The following DCUN1D1 variants were observed in gnomAD, a reference collection of about 807,000 sequenced individuals.
The protein encoded by DCUN1D1 is defective in cullin neddylation 1 domain containing 1, also known as DCN1-like protein 1.
DCUN1D1 carries 3 observed loss-of-function variants against 39.0 expected under a neutral mutation model. The ratio of observed to expected loss-of-function variants is 0.08; its 90% CI spans 0.04 to 0.20. The LOEUF (loss-of-function observed/expected upper bound fraction) is 0.20. Ranked by LOEUF, DCUN1D1 falls within the 10% of genes least tolerant of loss-of-function variation. The pLI, the probability that DCUN1D1 is intolerant of heterozygous loss-of-function variation, is 1.00. For missense variants in DCUN1D1, 158 were observed against 302.4 expected (o/e 0.52, Z 3.54); for synonymous variants, 82 against 96.3 (o/e 0.85, Z 0.87).
chr3:182,958,745 ATC>A (rs1217957732), intron 4 of DCUN1D1, among the ~76,000 whole-genome samples: 8 of 152,196 alleles, frequency 5.3e-5, no homozygotes, highest in Non-Finnish European at 7.4e-5. Flanking sequence ...CTTTCACATA[ATC>A]TGTTTCTCAA....
At chr3:182,984,450 T>C (rs1728661769), upstream of DCUN1D1, among the ~76,000 whole-genome samples, 1 of 152,202 alleles carries the variant, frequency 6.6e-6, no homozygotes, top group Non-Finnish European at 1.5e-5. Context: ...ATGTTTCAAA[T>C]ATTTAAGTTA....
chr3:182,967,431 G>A (rs1279011839), intron 1 of DCUN1D1, among the ~76,000 whole-genome samples: 5 of 151,956 alleles, frequency 3.3e-5, no homozygotes, highest in African/African-American at 1.2e-4. Flanking sequence ...TACTTCTACC[G>A]ATCACAGTAA....
intron 4 of DCUN1D1, among the ~76,000 whole-genome samples, chr3:182,949,586 G>C (rs1354734928): frequency 6.6e-6 from 1 of 151,932 alleles, no homozygotes; most frequent in Non-Finnish European, 1.5e-5. Context: ...CATTCATGGT[G>C]GTGCATGCCT....
chr3:182,949,729 CACA>C (rs1036814691), intron 4 of DCUN1D1, among the ~76,000 whole-genome samples: 1 of 152,022 alleles, frequency 6.6e-6, no homozygotes, highest in Non-Finnish European at 1.5e-5. Flanking sequence ...AAACAAACAA[CACA>C]ACAACATAAA....
intron 4 of DCUN1D1, among the ~76,000 whole-genome samples, chr3:182,960,051 G>A (rs1727304087): frequency 6.6e-6 from 1 of 152,278 alleles, no homozygotes; most frequent in Non-Finnish European, 1.5e-5. Flanking sequence ...CTCCTAGCCT[G>A]CAGAATCATG....
upstream of DCUN1D1, among the ~76,000 whole-genome samples, chr3:182,985,208 C>T (rs903661413): frequency 3.9e-5 from 6 of 152,136 alleles, no homozygotes; most frequent in South Asian, 2.1e-4. Context: ...ATGAAAGCCA[C>T]GGTTCCAAAG....
rs540965114 is a variant in DCUN1D1, at chr3:182,950,468, A to C, written c.521-2836T>G. On this transcript the variant is annotated intron_variant, in intron 4 of 6. Coordinates refer to ENST00000292782, the MANE Select transcript of DCUN1D1 (RefSeq NM_020640.4). ...GCCAAGTTATCACTTATCTTTTAAA[A>C]ATCTTTCTTGGATCTTTTTTTTTGA... 2.2e-4 allele frequency among the ~76,000 whole-genome samples: 33 copies of C among 151,892 alleles called. 1 individual carries two copies. Among genetic ancestry groups the C allele is most frequent in the Admixed American group, 1.4e-3 (22 of 15,250 alleles).
intron 4 of DCUN1D1, among the ~76,000 whole-genome samples, chr3:182,953,698 G>C (rs1329722961): frequency 6.6e-6 from 1 of 152,112 alleles, no homozygotes; most frequent in Non-Finnish European, 1.5e-5. Context: ...TATTGGAAAA[G>C]ACAACAAAGT....
intron 4 of DCUN1D1, among the ~76,000 whole-genome samples, chr3:182,948,821 G>A (rs565459195): frequency 2.4e-4 from 36 of 152,020 alleles, no homozygotes; most frequent in African/African-American, 7.0e-4. Context: ...AGGTTGAGTC[G>A]GGCAGATCAC....
At chr3:182,978,391 T>G (rs1303182532) in intron 1 of DCUN1D1, among the ~76,000 whole-genome samples, 1 of 152,190 alleles carries the variant, frequency 6.6e-6, no homozygotes, top group Non-Finnish European at 1.5e-5. Flanking sequence ...TCCTTTCTTA[T>G]TATTTTTTTT....
intron 1 of DCUN1D1, among the ~76,000 whole-genome samples, chr3:182,972,671 G>A (rs759126611): frequency 1.3e-5 from 2 of 152,016 alleles, no homozygotes; most frequent in African/African-American, 2.4e-5. Flanking sequence ...AGTCCAGAAA[G>A]TTGAGGCTGC....
chr3:182,980,377 C>G (rs1728479488), intron 1 of DCUN1D1, 110 bp downstream of exon 1: 1 of 833,314 alleles, frequency 1.2e-6, no homozygotes, highest in Non-Finnish European at 1.5e-6. Context: ...GGCCGCGGGC[C>G]GAGGCTCGGG....
intron 4 of DCUN1D1, chr3:182,951,049 T>A (rs1179280751): frequency 6.9e-6 from 1 of 143,894 alleles, no homozygotes; most frequent in Non-Finnish European, 1.5e-5. Flanking sequence ...AACACCAATT[T>A]CTAATGGCAC....
intron 4 of DCUN1D1, among the ~76,000 whole-genome samples, chr3:182,954,658 TA>T (rs1181485236): frequency 6.6e-6 from 1 of 152,162 alleles, no homozygotes; most frequent in Non-Finnish European, 1.5e-5. Flanking sequence ...AAAATACAAA[TA>T]AAAATCGCCA....
intron 3 of DCUN1D1, among the ~76,000 whole-genome samples, chr3:182,963,077 G>C (rs1276550511): frequency 6.6e-6 from 1 of 152,152 alleles, no homozygotes; most frequent in Non-Finnish European, 1.5e-5. Flanking sequence ...ACCGCGCCTA[G>C]CCCCTGGTGT....
chr3:182,980,544 G>A, upstream of DCUN1D1: 3 of 1,189,772 alleles, frequency 2.5e-6, no homozygotes, highest in South Asian at 2.2e-5. Context: ...CGAATGGACG[G>A]CGGCGGCGGC....
intron 1 of DCUN1D1, among the ~76,000 whole-genome samples, chr3:182,969,630 T>G (rs1272957344): frequency 6.6e-6 from 1 of 152,214 alleles, no homozygotes. Context: ...TAATCTTCAG[T>G]ATTCCAATGT....
At chr3:182,952,526 A>C (rs1037893236) in intron 4 of DCUN1D1, among the ~76,000 whole-genome samples, 2 of 152,172 alleles carry the variant, frequency 1.3e-5, no homozygotes, top group African/African-American at 2.4e-5. Context: ...AGGAGGGCTC[A>C]AACTGAACTC....
intron 1 of DCUN1D1, among the ~76,000 whole-genome samples, chr3:182,966,000 C>T (rs916179609): frequency 6.6e-6 from 1 of 152,056 alleles, no homozygotes; most frequent in South Asian, 2.1e-4. Flanking sequence ...AACCACCCAG[C>T]GTTTCTCCTA....
Sources: allele counts gnomAD v4.1 joint callset (sites outside exome capture counted in the v4.1 genomes callset), GRCh38; gene constraint gnomAD v4.1.1; transcripts MANE v1.5; gene names NCBI Gene and HGNC (gene_info 2026-07-23, HGNC 2026-07-21).